The following HDAC9 variants were observed in gnomAD, a reference collection of about 807,000 sequenced individuals.
HDAC9 encodes histone deacetylase 9, also known as MEF-2 interacting transcription repressor (MITR) protein.
In HDAC9, 41 loss-of-function variants were observed where a neutral mutation model predicts 139.4. The ratio of observed to expected loss-of-function variants is 0.29; its 90% CI spans 0.23 to 0.38. The LOEUF (loss-of-function observed/expected upper bound fraction) is 0.38, where lower values mean the gene tolerates loss of function less well. HDAC9 is among the 10% of genes least tolerant of loss of function. The pLI, the probability that HDAC9 is intolerant of heterozygous loss-of-function variation, is 1.00. For missense variants in HDAC9, 1,147 were observed against 1,297.0 expected (o/e 0.88, Z 1.78); for synonymous variants, 517 against 476.2 (o/e 1.09, Z -1.12).
At chr7:18,582,014 C>A (rs71524249) in intron 2 of HDAC9, among the ~76,000 whole-genome samples, 4 of 152,098 alleles carry the variant, frequency 2.6e-5, no homozygotes, top group Non-Finnish European at 1.5e-5. Context: ...TGTAAGCAAC[C>A]CAAGATTGAT....
intron 23 of HDAC9, among the ~76,000 whole-genome samples, chr7:18,937,030 A>ATTTTTTTTTTTTTTTTT (rs768350029): frequency 4.1e-5 from 4 of 96,694 alleles, no homozygotes; most frequent in African/African-American, 7.6e-5. Context: ...GCTCTTGTTA[A>ATTTTTTTTTTTTTTTTT]TTTTTTTTTT....
At chr7:18,181,298 A>T (rs1371552207) in intron 2 of HDAC9, among the ~76,000 whole-genome samples, 1 of 152,198 alleles carries the variant, frequency 6.6e-6, no homozygotes. Context: ...TATGTGCCAG[A>T]CACTGTTCTA....
At chr7:18,818,534 G>A (rs1368781413) in intron 17 of HDAC9, among the ~76,000 whole-genome samples, 1 of 152,136 alleles carries the variant, frequency 6.6e-6, no homozygotes, top group Non-Finnish European at 1.5e-5. Context: ...TCTCTGCACT[G>A]CAGCTATACC....
At chr7:18,440,694 T>C (rs1032038382) in intron 1 of HDAC9, among the ~76,000 whole-genome samples, 3 of 152,222 alleles carry the variant, frequency 2.0e-5, no homozygotes, top group African/African-American at 7.2e-5. Flanking sequence ...ATTAACTCTT[T>C]CTTCTAAAAT....
rs965150024 is a variant in HDAC9, at chr7:18,728,146, G to GT, written c.1909+396dup. On this transcript the variant is annotated intron_variant, in intron 13 of 25. Transcript: ENST00000686413. ...CCAAAGAGTACCCTTTAACCAGTTT[G>GT]TTTTTTTGTTTGTTTGTTTTATTTC... is the stretch of plus-strand genomic sequence containing the variant. Among the ~76,000 whole-genome samples, 14 of 151,774 alleles carry GT rather than the reference G, an allele frequency of 9.2e-5. 1 individual carries two copies. Among genetic ancestry groups the GT allele is most frequent in the African/African-American group, 2.4e-4 (10 of 41,488 alleles).
At chr7:18,262,430 A>G (rs546971379) in intron 2 of HDAC9, among the ~76,000 whole-genome samples, 178 of 152,350 alleles carry the variant, frequency 1.2e-3, no homozygotes, top group African/African-American at 2.6e-3. Context: ...ATTTCCAGAT[A>G]AACATAACCT....
At chr7:18,761,045 T>C (rs74716812) in intron 14 of HDAC9, among the ~76,000 whole-genome samples, 1,656 of 152,368 alleles carry the variant, frequency 0.011, 32 homozygotes, top group African/African-American at 0.038. Context: ...AATTTCACTG[T>C]TGTTCTGTAC....
intron 1 of HDAC9, among the ~76,000 whole-genome samples, chr7:18,352,122 T>C (rs1585314059): frequency 1.3e-5 from 2 of 152,188 alleles, no homozygotes; most frequent in Non-Finnish European, 2.9e-5. Context: ...ATATTCTGTT[T>C]CTGAACTGTT....
At chr7:18,366,852 A>G (rs1279730895) in intron 1 of HDAC9, among the ~76,000 whole-genome samples, 1 of 151,998 alleles carries the variant, frequency 6.6e-6, no homozygotes, top group Non-Finnish European at 1.5e-5. Context: ...GTTTAGTTAG[A>G]TTGTCACATC....
At chr7:18,250,165 T>G (rs1794828606) in intron 2 of HDAC9, among the ~76,000 whole-genome samples, 1 of 152,212 alleles carries the variant, frequency 6.6e-6, no homozygotes, top group Non-Finnish European at 1.5e-5. Context: ...TTCTCTGCAT[T>G]GTCATATGAT....
chr7:18,262,268 A>C (rs1206828322), intron 2 of HDAC9, among the ~76,000 whole-genome samples: 1 of 152,220 alleles, frequency 6.6e-6, no homozygotes, highest in Non-Finnish European at 1.5e-5. Context: ...CACTTAAAAG[A>C]GTCTCAATAA....
intron 1 of HDAC9, among the ~76,000 whole-genome samples, chr7:18,090,042 T>TA (rs1200430028): frequency 6.6e-6 from 1 of 152,216 alleles, no homozygotes; most frequent in Non-Finnish European, 1.5e-5. Flanking sequence ...CATCTGCAGA[T>TA]ATATACAATT....
intron 2 of HDAC9, among the ~76,000 whole-genome samples, chr7:18,519,052 A>C (rs903118925): frequency 1.3e-5 from 2 of 152,206 alleles, no homozygotes; most frequent in Non-Finnish European, 2.9e-5. Context: ...GTGATTGATA[A>C]ATACTATGTA....
chr7:18,497,934 T>TA (rs946389011), intron 2 of HDAC9, among the ~76,000 whole-genome samples: 1 of 152,116 alleles, frequency 6.6e-6, no homozygotes, highest in African/African-American at 2.4e-5. Flanking sequence ...GATAATCACA[T>TA]ACAGCTTTAC....
intron 1 of HDAC9, among the ~76,000 whole-genome samples, chr7:18,432,842 T>C (rs2128764705): frequency 6.6e-6 from 1 of 151,698 alleles, no homozygotes; most frequent in South Asian, 2.1e-4. Context: ...TCCCAGCTAC[T>C]CGGGAGGCTG....
intron 17 of HDAC9, among the ~76,000 whole-genome samples, chr7:18,810,402 T>G (rs1040839705): frequency 6.6e-5 from 10 of 152,008 alleles, no homozygotes; most frequent in African/African-American, 9.6e-5. Flanking sequence ...TGGGGAAATA[T>G]TCTGCTTACC....
intron 2 of HDAC9, among the ~76,000 whole-genome samples, chr7:18,170,599 A>G (rs1031468371): frequency 6.6e-6 from 1 of 152,058 alleles, no homozygotes; most frequent in African/African-American, 2.4e-5. Flanking sequence ...TTAAGTCTTT[A>G]ATCCATCTTG....
chr7:18,950,149 A>C (rs1425871302), intron 23 of HDAC9, among the ~76,000 whole-genome samples: 2 of 152,012 alleles, frequency 1.3e-5, no homozygotes, highest in African/African-American at 4.8e-5. Context: ...ATTTCATTCC[A>C]TTTTATTGTC....
intron 17 of HDAC9, among the ~76,000 whole-genome samples, chr7:18,807,237 A>T (rs752702529): frequency 6.6e-6 from 1 of 152,144 alleles, no homozygotes; most frequent in Non-Finnish European, 1.5e-5. Context: ...ATTTGTTGGC[A>T]TATAGTTATT....
Sources: allele counts gnomAD v4.1 joint callset (sites outside exome capture counted in the v4.1 genomes callset), GRCh38; gene constraint gnomAD v4.1.1; transcripts MANE v1.5; gene names NCBI Gene and HGNC (gene_info 2026-07-23, HGNC 2026-07-21).